The following LINGO2 variants were observed in gnomAD, a reference collection of about 807,000 sequenced individuals.
The protein encoded by LINGO2 is leucine rich repeat and Ig domain containing 2.
A neutral mutation model predicts 30.6 loss-of-function variants in LINGO2; 14 were observed. That is an observed-to-expected ratio of 0.46 (90% CI 0.30 to 0.72). The LOEUF (loss-of-function observed/expected upper bound fraction) is 0.72. Among genes scored for constraint, LINGO2 ranks in the 30% least tolerant of loss-of-function variants. LINGO2 has a pLI of 0.07. For synonymous variants in LINGO2, 317 were observed against 288.5 expected (o/e 1.10, Z -1.00); for missense variants, 729 against 751.7 (o/e 0.97, Z 0.35).
the LINGO2 span, among the ~76,000 whole-genome samples, chr9:28,769,903 T>G: frequency 3.9e-5 from 6 of 152,036 alleles, no homozygotes; most frequent in African/African-American, 1.4e-4. Flanking sequence ...CATTTTTATC[T>G]TTTCTGTAAA....
chr9:28,987,738 T>A, the LINGO2 span, among the ~76,000 whole-genome samples: 38 of 152,282 alleles, frequency 2.5e-4, no homozygotes, highest in African/African-American at 8.7e-4. Flanking sequence ...TGTGTCATAT[T>A]TTCATTTCCA....
At chr9:28,203,009 T>C (rs1820290781) in intron 4 of LINGO2, among the ~76,000 whole-genome samples, 1 of 152,232 alleles carries the variant, frequency 6.6e-6, no homozygotes. Flanking sequence ...CTTTAGTACT[T>C]AGAACCTAAT....
intron 1 of LINGO2, among the ~76,000 whole-genome samples, chr9:28,584,933 A>ATTTTTTTTTTTTTT (rs1046279252): frequency 1.4e-4 from 2 of 13,948 alleles, no homozygotes; most frequent in African/African-American, 3.2e-4. Flanking sequence ...ACTGCAAGAG[A>ATTTTTTTTTTTTTT]TTTTTTTTTT....
chr9:28,690,536 T>G, the LINGO2 span, among the ~76,000 whole-genome samples: 1 of 152,318 alleles, frequency 6.6e-6, no homozygotes, highest in African/African-American at 2.4e-5. Context: ...TAGGAAAATT[T>G]GTTGTAGTCA....
chr9:28,440,192 G>A (rs1824136938), intron 2 of LINGO2, among the ~76,000 whole-genome samples: 1 of 152,060 alleles, frequency 6.6e-6, no homozygotes, highest in East Asian at 1.9e-4. Flanking sequence ...TTATACTCAG[G>A]AGTATGTGCA....
chr9:28,380,032 T>C (rs1304991284), intron 2 of LINGO2, among the ~76,000 whole-genome samples: 3 of 152,082 alleles, frequency 2.0e-5, no homozygotes, highest in African/African-American at 7.2e-5. Flanking sequence ...TACTTCTTTT[T>C]ATTTACAGAT....
the LINGO2 span, among the ~76,000 whole-genome samples, chr9:28,830,793 C>T: frequency 6.8e-6 from 1 of 147,760 alleles, no homozygotes. Context: ...CTCATACACA[C>T]ACACATGCAT....
At chr9:28,687,654 T>G in the LINGO2 span, among the ~76,000 whole-genome samples, 1 of 152,112 alleles carries the variant, frequency 6.6e-6, no homozygotes, top group Admixed American at 6.6e-5. Flanking sequence ...CTCCATCATA[T>G]TAATCTCTGC....
chr9:27,959,551 A>G (rs993227796), intron 5 of LINGO2, among the ~76,000 whole-genome samples: 2 of 152,152 alleles, frequency 1.3e-5, no homozygotes, highest in African/African-American at 4.8e-5. Flanking sequence ...TCCCTTCTTT[A>G]GGATTTAGTT....
chr9:28,655,139 G>A (rs1828277836), intron 1 of LINGO2, among the ~76,000 whole-genome samples: 3 of 152,046 alleles, frequency 2.0e-5, no homozygotes, highest in Non-Finnish European at 4.4e-5. Context: ...TAGTGAGTGA[G>A]TTTTCAGAAG....
intron 4 of LINGO2, among the ~76,000 whole-genome samples, chr9:28,127,900 T>A (rs1427785334): frequency 6.6e-6 from 1 of 152,226 alleles, no homozygotes; most frequent in Non-Finnish European, 1.5e-5. Context: ...AGAAACTTAC[T>A]TTATCTCTTG....
chr9:28,632,996 G>T (rs1490655742), intron 1 of LINGO2, among the ~76,000 whole-genome samples: 1 of 150,634 alleles, frequency 6.6e-6, no homozygotes, highest in African/African-American at 2.4e-5. Context: ...CAGCCAGCCC[G>T]AGAGCCAGCC....
At chr9:29,106,714 C>T in the LINGO2 span, among the ~76,000 whole-genome samples, 1 of 151,974 alleles carries the variant, frequency 6.6e-6, no homozygotes, top group African/African-American at 2.4e-5. Flanking sequence ...TTAATTAAGC[C>T]CCTGTGATGT....
At chr9:28,528,102 G>A (rs1008205662) in intron 1 of LINGO2, among the ~76,000 whole-genome samples, 1 of 152,162 alleles carries the variant, frequency 6.6e-6, no homozygotes, top group African/African-American at 2.4e-5. Context: ...ACATCTCATA[G>A]CTGTGGAAGA....
chr9:28,819,008 G>GT, the LINGO2 span, among the ~76,000 whole-genome samples: 2 of 151,902 alleles, frequency 1.3e-5, no homozygotes, highest in East Asian at 1.9e-4. Flanking sequence ...TAGTTTTGTT[G>GT]TTTTTTTTCT....
chr9:29,045,723 T>C, the LINGO2 span, among the ~76,000 whole-genome samples: 1 of 152,150 alleles, frequency 6.6e-6, no homozygotes, highest in African/African-American at 2.4e-5. Context: ...AATCTGTCAA[T>C]TGCTTAGGGC....
chr9:28,246,183 T>C (rs1437473633), intron 4 of LINGO2, among the ~76,000 whole-genome samples: 6 of 152,074 alleles, frequency 3.9e-5, no homozygotes, highest in African/African-American at 7.2e-5. Flanking sequence ...CCCAGCACTT[T>C]AGAATGCTGA....
At chr9:28,256,817 T>C (rs1401580104) in intron 4 of LINGO2, among the ~76,000 whole-genome samples, 1 of 151,904 alleles carries the variant, frequency 6.6e-6, no homozygotes, top group Non-Finnish European at 1.5e-5. Flanking sequence ...CAAAGAAGTA[T>C]AAAAATAAAA....
intron 3 of LINGO2, among the ~76,000 whole-genome samples, chr9:28,337,312 A>C (rs535941466): frequency 8.5e-5 from 13 of 152,204 alleles, no homozygotes; most frequent in Non-Finnish European, 2.9e-5. Flanking sequence ...TGATATTAAA[A>C]ATAAAATACA....
Sources: allele counts gnomAD v4.1 joint callset (sites outside exome capture counted in the v4.1 genomes callset), GRCh38; gene constraint gnomAD v4.1.1; transcripts MANE v1.5; gene names NCBI Gene and HGNC (gene_info 2026-07-23, HGNC 2026-07-21).